The following ALCAM variants were observed in gnomAD, a reference collection of about 807,000 sequenced individuals.
The protein encoded by ALCAM is CD166 antigen.
ALCAM carries 30 observed loss-of-function variants against 70.9 expected under a neutral mutation model. The ratio of observed to expected loss-of-function variants is 0.42; its 90% CI spans 0.32 to 0.57. The LOEUF (loss-of-function observed/expected upper bound fraction) is 0.57, where lower values mean the gene tolerates loss of function less well. Among genes scored for constraint, ALCAM ranks in the 20% least tolerant of loss-of-function variants. The pLI, the probability that ALCAM is intolerant of heterozygous loss-of-function variation, is 0.11. For synonymous variants in ALCAM, 249 were observed against 242.5 expected, an observed-to-expected ratio of 1.03 and a Z score of -0.25; for missense variants, 591 against 695.1, an observed-to-expected ratio of 0.85 and a Z score of 1.68.
chr3:105,413,174 A>G (rs1033725102), intron 1 of ALCAM, among the ~76,000 whole-genome samples: 2 of 152,108 alleles, frequency 1.3e-5, no homozygotes, highest in Non-Finnish European at 2.9e-5. Context: ...TAAAATGTGA[A>G]TAATGATATT....
At chr3:105,553,499 T>A (rs1940457534) in intron 14 of ALCAM, among the ~76,000 whole-genome samples, 1 of 151,858 alleles carries the variant, frequency 6.6e-6, no homozygotes, top group Non-Finnish European at 1.5e-5. Flanking sequence ...TAATTTTATA[T>A]TATGTCTGAT....
intron 1 of ALCAM, among the ~76,000 whole-genome samples, chr3:105,381,723 A>G (rs932308608): frequency 2.6e-5 from 4 of 151,478 alleles, no homozygotes; most frequent in African/African-American, 9.7e-5. Flanking sequence ...ATTTATGTAG[A>G]CTCTGTAGAT....
chr3:105,389,985 A>G (rs748131028), intron 1 of ALCAM, among the ~76,000 whole-genome samples: 36 of 151,952 alleles, frequency 2.4e-4, no homozygotes, highest in Non-Finnish European at 4.1e-4. Flanking sequence ...CCAGCCTATC[A>G]TTGATAGGCA....
intron 1 of ALCAM, among the ~76,000 whole-genome samples, chr3:105,390,355 G>C (rs527524101): frequency 2.6e-5 from 4 of 152,142 alleles, no homozygotes; most frequent in Admixed American, 2.6e-4. Context: ...TAGTGACTTT[G>C]AGCTTTGTTT....
At chr3:105,564,100 T>C (rs1223263785) in intron 14 of ALCAM, among the ~76,000 whole-genome samples, 3 of 152,000 alleles carry the variant, frequency 2.0e-5, no homozygotes, top group Admixed American at 2.0e-4. Context: ...TTGTGAATAC[T>C]CCACGGACAT....
At chr3:105,382,766 T>C (rs978156171) in intron 1 of ALCAM, among the ~76,000 whole-genome samples, 3 of 152,080 alleles carry the variant, frequency 2.0e-5, no homozygotes, top group Admixed American at 2.0e-4. Flanking sequence ...TCATATCCTT[T>C]GCCCACTTTT....
chr3:105,551,830 A>T (rs916034578), intron 12 of ALCAM, among the ~76,000 whole-genome samples: 3 of 151,644 alleles, frequency 2.0e-5, no homozygotes, highest in Non-Finnish European at 4.4e-5. Flanking sequence ...CCCTAAAAAA[A>T]GAATGACTAT....
At chr3:105,556,334 T>C (rs1459568214) in intron 14 of ALCAM, among the ~76,000 whole-genome samples, 1 of 152,036 alleles carries the variant, frequency 6.6e-6, no homozygotes, top group Non-Finnish European at 1.5e-5. Flanking sequence ...ATAACTAAAC[T>C]GGAAGCAAGT....
At chr3:105,521,275 T>C (rs918845305) in intron 2 of ALCAM, among the ~76,000 whole-genome samples, 1 of 120,012 alleles carries the variant, frequency 8.3e-6, no homozygotes, top group African/African-American at 3.3e-5. Flanking sequence ...CAGTCCGCAG[T>C]CCGGCCTGGG....
intron 1 of ALCAM, chr3:105,439,565 G>C (rs1408201432): frequency 6.6e-6 from 1 of 152,156 alleles, no homozygotes; most frequent in Non-Finnish European, 1.5e-5. Flanking sequence ...TGATCTTTTG[G>C]AAAGTAAGTA....
intron 7 of ALCAM, 28 bp downstream of exon 7, chr3:105,540,130 G>A: frequency 1.3e-6 from 2 of 1,598,222 alleles, no homozygotes; most frequent in Non-Finnish European, 1.7e-6. Context: ...ACTTCAGTTG[G>A]ATGACTATCA....
At chr3:105,486,199 A>T (rs774391128) in intron 1 of ALCAM, among the ~76,000 whole-genome samples, 7 of 152,146 alleles carry the variant, frequency 4.6e-5, no homozygotes, top group Non-Finnish European at 8.8e-5. Context: ...GTCATTAGTG[A>T]TAGTCCTACT....
intron 1 of ALCAM, among the ~76,000 whole-genome samples, chr3:105,375,342 G>T (rs1463090015): frequency 6.6e-6 from 1 of 152,084 alleles, no homozygotes; most frequent in Non-Finnish European, 1.5e-5. Flanking sequence ...TTTGTAACTT[G>T]TCTTTATGTC....
At chr3:105,461,958 C>T (rs1465499987) in intron 1 of ALCAM, among the ~76,000 whole-genome samples, 1 of 151,518 alleles carries the variant, frequency 6.6e-6, no homozygotes, top group Non-Finnish European at 1.5e-5. Flanking sequence ...ACACTAGATA[C>T]ACTTTAATTA....
intron 14 of ALCAM, among the ~76,000 whole-genome samples, chr3:105,555,559 A>G (rs1940496337): frequency 6.6e-6 from 1 of 152,040 alleles, no homozygotes; most frequent in Admixed American, 6.6e-5. Context: ...CTAGCAAAGC[A>G]GTGAAATTTT....
chr3:105,454,826 C>T (rs547815630), intron 1 of ALCAM, among the ~76,000 whole-genome samples: 3 of 151,662 alleles, frequency 2.0e-5, no homozygotes, highest in South Asian at 4.2e-4. Flanking sequence ...CACACCACAG[C>T]GCCCAGCTGA....
intron 1 of ALCAM, among the ~76,000 whole-genome samples, chr3:105,379,647 A>AT (rs1935466679): frequency 6.6e-6 from 1 of 151,834 alleles, no homozygotes; most frequent in Non-Finnish European, 1.5e-5. Context: ...TAAAATTATG[A>AT]TTTTAAATAC....
At chr3:105,502,934 T>C (rs1938964284) in intron 1 of ALCAM, among the ~76,000 whole-genome samples, 1 of 152,204 alleles carries the variant, frequency 6.6e-6, no homozygotes, top group Admixed American at 6.5e-5. Context: ...AAAAGAAAAA[T>C]TAGTACTGAT....
intron 12 of ALCAM, among the ~76,000 whole-genome samples, chr3:105,551,298 C>G (rs894599204): frequency 2.0e-5 from 3 of 151,640 alleles, no homozygotes; most frequent in Non-Finnish European, 4.4e-5. Context: ...GGAAGAGAAC[C>G]TACCCTTTCT....
Sources: gnomAD v4.1 joint callset for allele counts (sites outside exome capture counted in the v4.1 genomes callset) on GRCh38, gnomAD v4.1.1 for gene constraint, MANE v1.5 for transcripts, NCBI Gene and HGNC (gene_info 2026-07-23, HGNC 2026-07-21) for gene names.